The following PLEKHM3 variants were observed in gnomAD, a reference collection of about 807,000 sequenced individuals.
The protein encoded by PLEKHM3 is pleckstrin homology domain-containing family M member 3.
A neutral mutation model predicts 81.8 loss-of-function variants in PLEKHM3; 45 were observed. The observed-to-expected ratio is 0.55, with a 90% CI of 0.43 to 0.71. The LOEUF (loss-of-function observed/expected upper bound fraction) is 0.71. Among genes scored for constraint, PLEKHM3 ranks in the 30% least tolerant of loss-of-function variants. The pLI is 0.00. For missense variants in PLEKHM3, 788 were observed against 924.3 expected (o/e 0.85, Z 1.91); for synonymous variants, 352 against 356.4 (o/e 0.99, Z 0.14).
chr2:207,911,927 C>T (rs563622517), intron 5 of PLEKHM3, among the ~76,000 whole-genome samples: 1 of 152,246 alleles, frequency 6.6e-6, no homozygotes, highest in South Asian at 2.1e-4. Flanking sequence ...CTTTAAAATT[C>T]TAAAACTTTT....
chr2:207,869,364 C>T (rs1202520523), intron 6 of PLEKHM3, among the ~76,000 whole-genome samples: 1 of 152,174 alleles, frequency 6.6e-6, no homozygotes, highest in African/African-American at 2.4e-5. Flanking sequence ...CATTTCCTTG[C>T]TTCCCTGCAC....
chr2:207,888,153 T>TTCCTTTG (rs1237438295), intron 6 of PLEKHM3, among the ~76,000 whole-genome samples: 2 of 152,138 alleles, frequency 1.3e-5, no homozygotes, highest in Non-Finnish European at 2.9e-5. Flanking sequence ...TTTCCTGCTG[T>TTCCTTTG]TCCTTTTTGA....
At chr2:207,866,587 G>A (rs2092502301) in intron 6 of PLEKHM3, among the ~76,000 whole-genome samples, 1 of 152,184 alleles carries the variant, frequency 6.6e-6, no homozygotes, top group African/African-American at 2.4e-5. Context: ...TGCCTGGTAT[G>A]CAAGTGGATT....
intron 6 of PLEKHM3, among the ~76,000 whole-genome samples, chr2:207,894,753 T>C (rs1688167074): frequency 6.6e-6 from 1 of 152,214 alleles, no homozygotes; most frequent in Non-Finnish European, 1.5e-5. Flanking sequence ...TTCATTCTTC[T>C]TTCTTTTAAT....
intron 5 of PLEKHM3, among the ~76,000 whole-genome samples, chr2:207,923,713 C>T: frequency 6.6e-6 from 1 of 151,146 alleles, no homozygotes; most frequent in East Asian, 1.9e-4. Context: ...AAGAATTTGG[C>T]TCTTAGAGAA....
chr2:207,956,772 T>C (rs1033955965), intron 3 of PLEKHM3, among the ~76,000 whole-genome samples: 16 of 143,558 alleles, frequency 1.1e-4, no homozygotes, highest in Non-Finnish European at 2.1e-4. Context: ...TCTTGCTATG[T>C]TGTGCAAGGC....
intron 3 of PLEKHM3, among the ~76,000 whole-genome samples, chr2:207,970,789 T>C (rs1691093088): frequency 6.6e-6 from 1 of 152,198 alleles, no homozygotes; most frequent in Non-Finnish European, 1.5e-5. Flanking sequence ...TTGCACTAAA[T>C]GGCTGAAGAA....
intron 3 of PLEKHM3, among the ~76,000 whole-genome samples, chr2:207,974,922 C>T (rs1691255162): frequency 6.6e-6 from 1 of 151,764 alleles, no homozygotes; most frequent in African/African-American, 2.4e-5. Flanking sequence ...ACCTCCGCCT[C>T]CCAGGTTCAA....
At chr2:207,888,376 C>CAA (rs1167538838) in intron 6 of PLEKHM3, among the ~76,000 whole-genome samples, 1 of 151,778 alleles carries the variant, frequency 6.6e-6, no homozygotes, top group East Asian at 1.9e-4. Context: ...CACACACACA[C>CAA]ACTTGGATAA....
At position 207,977,048 on chromosome 2, in the gene PLEKHM3, C is replaced by A; in HGVS notation, c.1149G>T (p.Val383=). ...AAGCCATAAGGTAAGCCCTGCTCAG[C>A]ACAAATGTAAATGCCTTCCAGTTGT... ...VQNNWKAFTF[V]LSRAYLMAFQ... Residue 383 remains valine, a synonymous_variant, in exon 3 of 8, where the codon GTG becomes GTT. Coordinates refer to ENST00000427836, the MANE Select transcript of PLEKHM3 (RefSeq NM_001080475.3). The A allele has an allele frequency of 6.2e-7, 1 of 1,614,254 alleles. No homozygotes were observed. The highest frequency in any genetic ancestry group is 8.5e-7 in the Non-Finnish European group (1 of 1,180,052).
Position 208,001,355 on chromosome 2 carries a change from A to G in PLEKHM3, c.285T>C (p.Phe95=). 6.2e-7 allele frequency: 1 copy of G among 1,614,166 alleles called. No individual in the cohort carries two copies. Among genetic ancestry groups the G allele is most frequent in the South Asian group, 1.1e-5 (1 of 91,084 alleles). ...CTGGGGTTGTCCCTCTCTGGACCATAAACTGTTCTTTGGCAGGGAAGACAT... is the reference window on the plus strand; with the variant it reads ...CTGGGGTTGTCCCTCTCTGGACCATGAACTGTTCTTTGGCAGGGAAGACAT... ...AQNVFPAKEQ[F]MVQRGTTPDN... is the part of the protein sequence containing the mutation. Residue 95 remains phenylalanine, a synonymous_variant, in exon 2 of 8, where the codon TTT becomes TTC. Coordinates refer to ENST00000427836, the MANE Select transcript of PLEKHM3 (RefSeq NM_001080475.3).
In PLEKHM3 at chr2:207,823,750, A is replaced by C. The variant is rs767286300; in HGVS notation, c.*4569T>G. ...CACCAATCCTGGCCAAGTGGAACCC[A>C]CTTTAAATAAAACTGACAACTACCG... On this transcript the variant is annotated 3_prime_UTR_variant, in exon 8 of 8. Coordinates refer to ENST00000427836, the MANE Select transcript of PLEKHM3 (RefSeq NM_001080475.3). The C allele has an allele frequency of 6.6e-6, 1 of 152,344 alleles. No individual in the cohort carries two copies. The highest frequency in any genetic ancestry group is 2.1e-4 in the South Asian group (1 of 4,828). 9.4% of individuals were successfully genotyped at this position (152,344 alleles called of 1,614,324 possible).
At position 207,926,074 on chromosome 2, in the gene PLEKHM3, G is replaced by T. The variant is rs1237109678; in HGVS notation, c.1886+4852C>A. Among the ~76,000 whole-genome samples the T allele has an allele frequency of 2.8e-4, 42 of 152,198 alleles. 1 individual carries two copies. Among genetic ancestry groups the T allele is most frequent in the Admixed American group, 2.7e-3 (41 of 15,264 alleles). On this transcript the variant is annotated intron_variant, in intron 5 of 7. Coordinates refer to ENST00000427836, the MANE Select transcript of PLEKHM3 (RefSeq NM_001080475.3). ...CACCATAAACGAATTAAATGGGCTG[G>T]AGATGAGAAAAACAGGGCAGCAATG... is the stretch of plus-strand genomic sequence containing the variant.
intron 3 of PLEKHM3, among the ~76,000 whole-genome samples, chr2:207,951,936 C>A (rs1160924252): frequency 6.6e-6 from 1 of 152,328 alleles, no homozygotes; most frequent in East Asian, 1.9e-4. Context: ...AATGAGAAAG[C>A]TGTGGCTGGA....
intron 6 of PLEKHM3, among the ~76,000 whole-genome samples, chr2:207,902,470 T>A (rs866395644): frequency 6.6e-6 from 1 of 152,198 alleles, no homozygotes; most frequent in Non-Finnish European, 1.5e-5. Flanking sequence ...GAATTACTTC[T>A]TTAGGGGCCA....
intron 7 of PLEKHM3, among the ~76,000 whole-genome samples, chr2:207,856,049 G>T (rs1318213751): frequency 6.6e-6 from 1 of 152,096 alleles, no homozygotes; most frequent in Non-Finnish European, 1.5e-5. Context: ...TACTATTTCT[G>T]TGATTTCTCT....
At chr2:207,906,732 T>C (rs1688623525) in intron 6 of PLEKHM3, among the ~76,000 whole-genome samples, 1 of 152,078 alleles carries the variant, frequency 6.6e-6, no homozygotes, top group Admixed American at 6.6e-5. Context: ...GAGGTTGCAG[T>C]GAGCCAAGAT....
intron 1 of PLEKHM3, among the ~76,000 whole-genome samples, chr2:208,015,699 T>C (rs1692882154): frequency 2.0e-5 from 3 of 152,250 alleles, no homozygotes; most frequent in Non-Finnish European, 4.4e-5. Flanking sequence ...AATGTTTACA[T>C]AGTCCTAATT....
intron 7 of PLEKHM3, among the ~76,000 whole-genome samples, chr2:207,848,814 T>G (rs1048465502): frequency 6.6e-6 from 1 of 152,216 alleles, no homozygotes; most frequent in African/African-American, 2.4e-5. Flanking sequence ...GGAGTCTCCA[T>G]GTTCTTCAGG....
Sources: allele counts gnomAD v4.1 joint callset (sites outside exome capture counted in the v4.1 genomes callset), GRCh38; gene constraint gnomAD v4.1.1; transcripts MANE v1.5; gene names NCBI Gene and HGNC (gene_info 2026-07-23, HGNC 2026-07-21).